The following EXOC2 variants were observed in gnomAD, a reference collection of about 807,000 sequenced individuals.
EXOC2 encodes exocyst complex component 2.
Under a neutral mutation model 131.8 loss-of-function variants are expected in EXOC2, and 70 were observed. The observed-to-expected ratio is 0.53, with a 90% CI of 0.44 to 0.65. The LOEUF (loss-of-function observed/expected upper bound fraction) is 0.65. Among genes scored for constraint, EXOC2 ranks in the 30% least tolerant of loss-of-function variants. EXOC2 has a pLI of 0.00. For missense variants in EXOC2, 923 were observed against 1,108.6 expected, an observed-to-expected ratio of 0.83 and a Z score of 2.38; for synonymous variants, 411 against 398.4, an observed-to-expected ratio of 1.03 and a Z score of -0.38.
intron 22 of EXOC2, among the ~76,000 whole-genome samples, chr6:537,792 T>C (rs1766556102): frequency 6.6e-6 from 1 of 152,122 alleles, no homozygotes; most frequent in South Asian, 2.1e-4. Context: ...TGGATGAATC[T>C]CAAAAAATTA....
At chr6:656,777 G>A (rs934385945) in intron 1 of EXOC2, 1 of 1,597,430 alleles carries the variant, frequency 6.3e-7, no homozygotes, top group Non-Finnish European at 8.5e-7. Flanking sequence ...GCCGCACCTC[G>A]CACCACAGCC....
In EXOC2 at chr6:608,463, A is replaced by G. The variant is rs140891556; in HGVS notation, c.742+1635T>C. ...TTTTAATAGCAAAAAGTCCTGACGAATGGTCTCATAAAGAAGTGACCATTT... is the reference window on the plus strand; with the variant it reads ...TTTTAATAGCAAAAAGTCCTGACGAGTGGTCTCATAAAGAAGTGACCATTT... On this transcript the variant is annotated intron_variant, in intron 7 of 27. Coordinates refer to ENST00000230449, the MANE Select transcript of EXOC2 (RefSeq NM_018303.6). Among the ~76,000 whole-genome samples, 13 of 152,356 alleles carry G rather than the reference A, an allele frequency of 8.5e-5. No homozygotes were observed. In the East Asian group the frequency reaches 2.3e-3, roughly 27 times the overall value.
intron 22 of EXOC2, among the ~76,000 whole-genome samples, chr6:545,743 T>C (rs2127560394): frequency 6.6e-6 from 1 of 152,340 alleles, no homozygotes; most frequent in African/African-American, 2.4e-5. Flanking sequence ...CGTGAGGAAG[T>C]AATTAGACAT....
At chr6:554,445 G>A (rs1464312625) in intron 20 of EXOC2, among the ~76,000 whole-genome samples, 3 of 152,048 alleles carry the variant, frequency 2.0e-5, no homozygotes, top group East Asian at 3.8e-4. Flanking sequence ...ATAATATGAG[G>A]GATCTGACTA....
intron 19 of EXOC2, 66 bp from the exon 20 acceptor site, chr6:555,354 C>A (rs971597646): frequency 9.6e-7 from 1 of 1,036,618 alleles, no homozygotes; most frequent in African/African-American, 1.6e-5. Context: ...TCTATTTGGA[C>A]ACTAAAGATA....
chr6:523,271 C>A (rs1250535363), intron 23 of EXOC2, among the ~76,000 whole-genome samples: 1 of 152,232 alleles, frequency 6.6e-6, no homozygotes, highest in East Asian at 1.9e-4. Context: ...GATCAGTACC[C>A]TGGCTCCCCA....
intron 1 of EXOC2, chr6:689,266 A>C (rs1021094331): frequency 6.6e-6 from 1 of 151,162 alleles, no homozygotes; most frequent in Non-Finnish European, 1.5e-5. Context: ...AAAATAAAGC[A>C]AACTGGATGA....
chr6:606,063 T>C (rs1760392343), intron 7 of EXOC2, among the ~76,000 whole-genome samples: 1 of 152,214 alleles, frequency 6.6e-6, no homozygotes, highest in East Asian at 1.9e-4. Flanking sequence ...GTGGCACATA[T>C]ACACCAGGGA....
intron 11 of EXOC2, among the ~76,000 whole-genome samples, chr6:579,481 G>A (rs1735116396): frequency 6.6e-6 from 1 of 152,136 alleles, no homozygotes; most frequent in Non-Finnish European, 1.5e-5. Flanking sequence ...TGCCCCTCCG[G>A]ACTATCAGCA....
intron 23 of EXOC2, among the ~76,000 whole-genome samples, chr6:530,296 ATAT>A (rs1766000874): frequency 6.6e-6 from 1 of 152,244 alleles, no homozygotes; most frequent in Non-Finnish European, 1.5e-5. Context: ...GAGAGATGGT[ATAT>A]TATTATAGAA....
intron 18 of EXOC2, 71 bp downstream of exon 18, chr6:556,413 T>A: frequency 6.7e-7 from 1 of 1,491,864 alleles, no homozygotes; most frequent in South Asian, 1.2e-5. Context: ...GTACGATGAG[T>A]CAAAAATTTA....
At chr6:647,815 A>G (rs17136166) in intron 1 of EXOC2, among the ~76,000 whole-genome samples, 2,355 of 151,652 alleles carry the variant, frequency 0.016, 60 homozygotes, top group African/African-American at 0.055. Context: ...TAACTATGTT[A>G]CCCTCAAAAT....
rs754906164 is a variant in EXOC2, at chr6:633,166, A to C, written c.119-49T>G. The C allele has an allele frequency of 2.5e-6, 4 of 1,586,498 alleles. No individual in the cohort carries two copies. In the South Asian group the frequency reaches 4.5e-5, roughly 18 times the overall value. ...ACAAAATTCAAAGACAAGAACAATA[A>C]GACCTTAATCGTGTAGATTACATTT... On this transcript the variant is annotated intron_variant, in intron 2 of 27. Transcript: ENST00000230449.
At chr6:579,239 T>C (rs1169194399) in intron 11 of EXOC2, among the ~76,000 whole-genome samples, 1 of 152,232 alleles carries the variant, frequency 6.6e-6, no homozygotes, top group East Asian at 1.9e-4. Context: ...TTAAATTGTT[T>C]AATATTAAAC....
chr6:626,649 T>G (rs185633779), intron 4 of EXOC2, among the ~76,000 whole-genome samples: 289 of 152,230 alleles, frequency 1.9e-3, no homozygotes, highest in African/African-American at 6.6e-3. Flanking sequence ...TGAAGTGCAG[T>G]GACCCGACCT....
intron 13 of EXOC2, 132 bp from the exon 14 acceptor site, chr6:565,061 C>A: frequency 1.6e-6 from 1 of 618,556 alleles, no homozygotes; most frequent in Non-Finnish European, 2.5e-6. Flanking sequence ...AAGACATAAT[C>A]TATGTTTCTG....
intron 1 of EXOC2, among the ~76,000 whole-genome samples, chr6:648,197 G>T (rs1280044867): frequency 1.3e-5 from 2 of 152,168 alleles, no homozygotes; most frequent in Non-Finnish European, 2.9e-5. Flanking sequence ...TGAACTATAG[G>T]AAGAGATGTC....
chr6:489,254 C>T (rs906287863), intron 26 of EXOC2, among the ~76,000 whole-genome samples: 12 of 152,074 alleles, frequency 7.9e-5, no homozygotes, highest in African/African-American at 2.7e-4. Flanking sequence ...CAGAAAAACT[C>T]AAATAGGAAA....
intron 12 of EXOC2, among the ~76,000 whole-genome samples, chr6:576,150 A>G (rs1256852600): frequency 1.3e-5 from 2 of 152,332 alleles, no homozygotes; most frequent in South Asian, 4.1e-4. Context: ...TGGGTTTCTT[A>G]TATCTGTTAT....
Sources: allele counts gnomAD v4.1 joint callset (sites outside exome capture counted in the v4.1 genomes callset), GRCh38; gene constraint gnomAD v4.1.1; transcripts MANE v1.5; gene names NCBI Gene and HGNC (gene_info 2026-07-23, HGNC 2026-07-21).